DDX60: variants seen among roughly 807,000 people sequenced by gnomAD.
DDX60 encodes probable ATP-dependent RNA helicase DDX60.
In DDX60, 165 loss-of-function variants were observed where a neutral mutation model predicts 212.8. That is an observed-to-expected ratio of 0.78 (90% CI 0.68 to 0.88). The LOEUF is 0.88. Among genes scored for constraint, DDX60 ranks in the 40% least tolerant of loss-of-function variants. The probability of loss-of-function intolerance (pLI) is 0.00; values close to 1 mark genes in which losing one functional copy is unlikely to be tolerated. For missense variants in DDX60, 1,905 were observed against 2,003.9 expected, an observed-to-expected ratio of 0.95 and a Z score of 0.94; for synonymous variants, 703 against 685.3, an observed-to-expected ratio of 1.03 and a Z score of -0.40.
intron 5 of DDX60, 62 bp from the exon 6 acceptor site, chr4:168,302,478 T>C: frequency 1.4e-6 from 1 of 692,974 alleles, no homozygotes. Context: ...ATTTTCCAAC[T>C]ATAGAAAATT....
intron 14 of DDX60, among the ~76,000 whole-genome samples, chr4:168,276,581 T>C (rs1358538815): frequency 6.6e-6 from 1 of 152,232 alleles, no homozygotes; most frequent in Non-Finnish European, 1.5e-5. Flanking sequence ...AGTCCTATGG[T>C]TGACCACAGA....
chr4:168,282,297 G>A (rs886800029), intron 13 of DDX60, among the ~76,000 whole-genome samples: 24 of 152,102 alleles, frequency 1.6e-4, no homozygotes, highest in Admixed American at 1.3e-3. Context: ...AAGTTATCCT[G>A]AGTAGAAAAT....
chr4:168,274,420 T>G (rs1735239234), intron 16 of DDX60, among the ~76,000 whole-genome samples: 1 of 152,186 alleles, frequency 6.6e-6, no homozygotes, highest in African/African-American at 2.4e-5. Context: ...AGAAAATAGC[T>G]GAGGAGAAGA....
chr4:168,307,126 T>A (rs1221560503), intron 4 of DDX60, among the ~76,000 whole-genome samples: 2 of 152,218 alleles, frequency 1.3e-5, no homozygotes, highest in South Asian at 2.1e-4. Context: ...CTTAAGCAAC[T>A]GAGATTGTCT....
rs139018368 is a variant in DDX60 at position 168,248,874 on chromosome 4, C to T, written c.3859-582G>A. ...TCCCAGGTTCAGTCGATTCTCCTGCCTCAACCTCCCAAGTAGCTGGGATTA... is the reference window on the plus strand; with the variant it reads ...TCCCAGGTTCAGTCGATTCTCCTGCTTCAACCTCCCAAGTAGCTGGGATTA... On this transcript the variant is annotated intron_variant, in intron 28 of 37. Coordinates refer to ENST00000393743, the MANE Select transcript of DDX60 (RefSeq NM_017631.6). 2.0e-3 allele frequency among the ~76,000 whole-genome samples: 298 copies of T among 152,158 alleles called. 1 individual carries two copies. In the Middle Eastern group the frequency reaches 0.031, roughly 16 times the overall value.
Position 168,283,380 on chromosome 4 carries a change from AAC to A in DDX60, c.1722+64_1722+65del, listed in dbSNP as rs564915717. ...TATAAAAAGAAACCACCAAAGGGAT[AAC>A]ACATATCAACCTGATAAAAGAAAAG... On this transcript the variant is annotated intron_variant, in intron 13 of 37. Transcript: ENST00000393743. 5.8e-5 allele frequency: 81 copies of A among 1,396,392 alleles called. No individual in the cohort carries two copies. In the African/African-American group the frequency reaches 9.2e-4, roughly 16 times the overall value. 86.5% of individuals were successfully genotyped at this position (1,396,392 alleles called of 1,614,324 possible).
intron 30 of DDX60, among the ~76,000 whole-genome samples, chr4:168,243,891 T>C (rs572139301): frequency 6.6e-6 from 1 of 150,512 alleles, no homozygotes; most frequent in Non-Finnish European, 1.5e-5. Context: ...AAAGAAAGTG[T>C]GGTACATATA....
chr4:168,244,747 G>GAA (rs5863925), intron 30 of DDX60, among the ~76,000 whole-genome samples: 3 of 149,484 alleles, frequency 2.0e-5, no homozygotes, highest in East Asian at 2.0e-4. Context: ...AAAAAAGAAA[G>GAA]AAAAAAAAAG....
In DDX60 at chr4:168,283,524, T is replaced by C. The variant is rs1735688016; in HGVS notation, c.1644A>G (p.Thr548=). The change falls in exon 13 of 38, where the codon ACA becomes ACG. Residue 548 remains threonine, a synonymous_variant. Transcript: ENST00000393743. The part of the protein sequence containing the change: ...FQRFYGNSLE[T]VSSKIIVTQT... Reference sequence around the variant, plus strand: ...GAGTCACGATGATTTTCGAAGAGACTGTTTCTAATGAATTCCCATAAAACC... The same window carrying C: ...GAGTCACGATGATTTTCGAAGAGACCGTTTCTAATGAATTCCCATAAAACC... The C allele has an allele frequency of 8.1e-6, 13 of 1,613,424 alleles. No individual in the cohort carries two copies. The highest frequency in any genetic ancestry group is 1.1e-5 in the Non-Finnish European group (13 of 1,179,648).
Position 168,216,895 on chromosome 4 carries a change from AT to A in DDX60, c.*37del. ...CAAAAACGTGACCTGAAAAACTACT[AT>A]GGAATTATTTTTAAGTGGTTTGCAT... On this transcript the variant is annotated 3_prime_UTR_variant, in exon 38 of 38. Transcript: ENST00000393743. 1 of 1,320,284 alleles carries A rather than the reference AT, an allele frequency of 7.6e-7. No homozygotes were observed. The highest frequency in any genetic ancestry group is 1.1e-6 in the Non-Finnish European group (1 of 951,494). The allele number at this position is 1,320,284 out of a possible 1,614,324, so 81.8% of individuals were successfully genotyped here. A position where few individuals can be genotyped will look rare whatever the true frequency, so the allele number is the denominator to read the frequency against.
chr4:168,259,649 G>C (rs1297328066), intron 25 of DDX60, among the ~76,000 whole-genome samples: 3 of 150,454 alleles, frequency 2.0e-5, no homozygotes, highest in Non-Finnish European at 4.4e-5. Context: ...AGTAAATAGA[G>C]TATTGTGTTC....
chr4:168,238,230 A>C (rs1733698314), intron 30 of DDX60, among the ~76,000 whole-genome samples: 1 of 130,780 alleles, frequency 7.6e-6, no homozygotes, highest in Admixed American at 8.0e-5. Flanking sequence ...AATGTCTATG[A>C]AATTCCAAAA....
intron 34 of DDX60, among the ~76,000 whole-genome samples, chr4:168,224,817 T>C (rs889011542): frequency 6.6e-6 from 1 of 151,616 alleles, no homozygotes; most frequent in Non-Finnish European, 1.5e-5. Context: ...TTTATATTCT[T>C]ATAAAACCCA....
intron 20 of DDX60, 119 bp from the exon 21 acceptor site, chr4:168,268,102 T>C: frequency 1.3e-6 from 1 of 783,442 alleles, no homozygotes; most frequent in Non-Finnish European, 1.9e-6. Context: ...GGGAATAGAC[T>C]CAGAAGCCAG....
At chr4:168,255,448 T>C (rs1734365301) in intron 26 of DDX60, among the ~76,000 whole-genome samples, 1 of 152,128 alleles carries the variant, frequency 6.6e-6, no homozygotes, top group African/African-American at 2.4e-5. Context: ...TTATGTCAGG[T>C]TATAAAATCT....
At chr4:168,254,930 G>C (rs1304950955) in intron 26 of DDX60, among the ~76,000 whole-genome samples, 1 of 152,200 alleles carries the variant, frequency 6.6e-6, no homozygotes, top group Non-Finnish European at 1.5e-5. Context: ...AAACATTTTG[G>C]CATAATGGTA....
intron 34 of DDX60, among the ~76,000 whole-genome samples, chr4:168,225,308 G>C: frequency 6.6e-6 from 1 of 151,986 alleles, no homozygotes. Context: ...CCCTGAAGCA[G>C]CATTTAACAA....
At chr4:168,268,730 T>A in intron 20 of DDX60, 124 bp downstream of exon 20, 5 of 541,342 alleles carry the variant, frequency 9.2e-6, no homozygotes, top group Middle Eastern at 4.7e-4. Context: ...TTCTTGAAGA[T>A]TCAGAAATAA....
At chr4:168,227,853 G>A (rs528667998) in intron 33 of DDX60, among the ~76,000 whole-genome samples, 30 of 151,512 alleles carry the variant, frequency 2.0e-4, no homozygotes, top group Admixed American at 1.2e-3. Context: ...AACTTTTCAC[G>A]CAATTGAGAT....
Sources: gnomAD v4.1 joint callset for allele counts (sites outside exome capture counted in the v4.1 genomes callset) on GRCh38, gnomAD v4.1.1 for gene constraint, MANE v1.5 for transcripts, NCBI Gene and HGNC (gene_info 2026-07-23, HGNC 2026-07-21) for gene names.